PEAK1: variants seen among roughly 807,000 people sequenced by gnomAD.
PEAK1 encodes pseudopodium enriched atypical kinase 1.
PEAK1 carries 54 observed loss-of-function variants against 124.7 expected under a neutral mutation model. That is an observed-to-expected ratio of 0.43 (90% confidence interval 0.35 to 0.54). PEAK1 has a LOEUF of 0.54. Among genes scored for constraint, PEAK1 ranks in the 20% least tolerant of loss-of-function variants. The probability of loss-of-function intolerance (pLI) is 0.01; values close to 1 mark genes in which losing one functional copy is unlikely to be tolerated. For synonymous variants in PEAK1, 719 were observed against 760.0 expected, an observed-to-expected ratio of 0.95 and a Z score of 0.89; for missense variants, 2,046 against 2,134.5, an observed-to-expected ratio of 0.96 and a Z score of 0.82.
intron 2 of PEAK1, chr15:77,331,071 T>C: frequency 3.9e-6 from 3 of 771,004 alleles, no homozygotes; most frequent in Non-Finnish European, 4.7e-6. Flanking sequence ...CATTCCATTA[T>C]AGACATATAC....
At chr15:77,271,347 T>C (rs2062020222) in intron 5 of PEAK1, among the ~76,000 whole-genome samples, 1 of 152,148 alleles carries the variant, frequency 6.6e-6, no homozygotes. Context: ...TGTAAACTAG[T>C]TCAACCATTG....
chr15:77,318,241 G>C (rs1016532674), intron 2 of PEAK1, among the ~76,000 whole-genome samples: 1 of 152,046 alleles, frequency 6.6e-6, no homozygotes, highest in African/African-American at 2.4e-5. Flanking sequence ...TACCACTGTC[G>C]ATTTTACGGT....
chr15:77,419,457 C>A lies in PEAK1; in HGVS notation c.-666+549G>T, dbSNP rs1224519252. On this transcript the variant is annotated intron_variant, in intron 1 of 9. Coordinates refer to ENST00000682557, the MANE Select transcript of PEAK1 (RefSeq NM_001385026.1). ...ACGACCCCGCCAGCCCACACGTTCG[C>A]GGGCTCCCCAGCCGCGGCGCGAAGG... 6 of 985,262 alleles carry A rather than the reference C, an allele frequency of 6.1e-6. No individual in the cohort carries two copies. In the Admixed American group the frequency reaches 3.1e-4, roughly 50 times the overall value. 61.0% of individuals were successfully genotyped at this position (985,262 alleles called of 1,614,324 possible).
intron 6 of PEAK1, among the ~76,000 whole-genome samples, chr15:77,198,080 T>C (rs909784159): frequency 2.0e-5 from 3 of 152,136 alleles, no homozygotes; most frequent in Non-Finnish European, 2.9e-5. Flanking sequence ...TGTAAACAAA[T>C]GTAAAGATGT....
At chr15:77,354,767 C>T (rs2067406015) in intron 2 of PEAK1, among the ~76,000 whole-genome samples, 2 of 152,080 alleles carry the variant, frequency 1.3e-5, no homozygotes, top group South Asian at 2.1e-4. Context: ...GGGCCAGGCG[C>T]GGTGGTTCAT....
At chr15:77,295,995 G>A (rs959537881) in intron 2 of PEAK1, among the ~76,000 whole-genome samples, 1 of 152,170 alleles carries the variant, frequency 6.6e-6, no homozygotes, top group Non-Finnish European at 1.5e-5. Flanking sequence ...GATGTAAGTG[G>A]TATTTTAATA....
intron 7 of PEAK1, among the ~76,000 whole-genome samples, chr15:77,160,617 A>C (rs1344374702): frequency 6.6e-6 from 1 of 152,146 alleles, no homozygotes; most frequent in East Asian, 1.9e-4. Flanking sequence ...TAGAGGTTGC[A>C]GTGAGCCGAG....
At chr15:77,316,148 C>A (rs908280559) in intron 2 of PEAK1, among the ~76,000 whole-genome samples, 2 of 152,168 alleles carry the variant, frequency 1.3e-5, no homozygotes, top group African/African-American at 4.8e-5. Context: ...ACAGTATTAA[C>A]ACTGTGAGAT....
At chr15:77,106,822 C>A (rs1051631515), downstream of PEAK1, 2 of 152,158 alleles carry the variant, frequency 1.3e-5, no homozygotes, top group Admixed American at 6.5e-5. Context: ...TTCAGACCCC[C>A]GATAAACTTG....
intron 1 of PEAK1, among the ~76,000 whole-genome samples, chr15:77,366,140 G>A (rs868070455): frequency 6.6e-6 from 1 of 152,296 alleles, no homozygotes; most frequent in Middle Eastern, 3.4e-3. Context: ...CCAGACTCAT[G>A]GTAAGATTGC....
chr15:77,115,352 C>G (rs1254085353), intron 9 of PEAK1, 33 bp from the exon 10 acceptor site: 2 of 1,567,968 alleles, frequency 1.3e-6, no homozygotes, highest in African/African-American at 2.7e-5. Context: ...AAAACTCACA[C>G]TCTCATAACC....
chr15:77,352,588 A>G (rs1326981011), intron 2 of PEAK1: 2 of 944,974 alleles, frequency 2.1e-6, no homozygotes, highest in Non-Finnish European at 2.5e-6. Context: ...ATATAAAACT[A>G]CAAATTGAGA....
At chr15:77,347,899 A>T in intron 2 of PEAK1, 1 of 984,412 alleles carries the variant, frequency 1.0e-6, no homozygotes, top group Non-Finnish European at 1.2e-6. Flanking sequence ...CTAAAAAAAA[A>T]GTAGCTCACC....
At position 77,181,987 on chromosome 15, in the gene PEAK1, T is replaced by C; in HGVS notation, c.-61A>G. 1 of 1,506,650 alleles carries C rather than the reference T, an allele frequency of 6.6e-7. No individual in the cohort carries two copies. Among genetic ancestry groups the C allele is most frequent in the Non-Finnish European group, 8.8e-7 (1 of 1,132,242 alleles). 93.3% of individuals were successfully genotyped at this position (1,506,650 alleles called of 1,614,324 possible). On this transcript the variant is annotated 5_prime_UTR_variant, in exon 7 of 10. Transcript: ENST00000682557. ...TTCAGTGCATGACAAAACTTTCATC[T>C]GTTAGTTTTCACTTCCCCTATGTGT...
chr15:77,135,990 T>G (rs2152745330), intron 8 of PEAK1, among the ~76,000 whole-genome samples: 1 of 152,300 alleles, frequency 6.6e-6, no homozygotes, highest in South Asian at 2.1e-4. Flanking sequence ...ACTTTGGAAC[T>G]AGGTAGCAGG....
intron 2 of PEAK1, among the ~76,000 whole-genome samples, chr15:77,326,538 T>C (rs2065587365): frequency 6.6e-6 from 1 of 152,188 alleles, no homozygotes; most frequent in South Asian, 2.1e-4. Context: ...TATTTCGGTC[T>C]GCACTTTCCA....
chr15:77,333,230 C>T, intron 2 of PEAK1: 2 of 913,026 alleles, frequency 2.2e-6, no homozygotes, highest in Non-Finnish European at 2.6e-6. Context: ...AGCCATCCTC[C>T]TTTCTCAGCC....
intron 1 of PEAK1, among the ~76,000 whole-genome samples, chr15:77,393,098 T>C (rs1304570437): frequency 1.3e-5 from 2 of 152,136 alleles, no homozygotes; most frequent in East Asian, 1.9e-4. Context: ...CAGAGGAGAA[T>C]TGCCCATCCC....
intron 1 of PEAK1, among the ~76,000 whole-genome samples, chr15:77,394,826 A>C (rs1372626155): frequency 6.6e-6 from 1 of 152,246 alleles, no homozygotes; most frequent in East Asian, 1.9e-4. Flanking sequence ...TCCTGGAGAG[A>C]CAGAGATAAT....
Sources: allele counts gnomAD v4.1 joint callset (sites outside exome capture counted in the v4.1 genomes callset), GRCh38; gene constraint gnomAD v4.1.1; transcripts MANE v1.5; gene names NCBI Gene and HGNC (gene_info 2026-07-23, HGNC 2026-07-21).